Variants in DPP6 observed in about 807,000 individuals in gnomAD.
DPP6 encodes the protein A-type potassium channel modulatory protein DPP6.
In DPP6, 69 loss-of-function variants were observed where a neutral mutation model predicts 122.6. That is an observed-to-expected ratio of 0.56 (90% confidence interval 0.46 to 0.69). The LOEUF is 0.69. Among genes scored for constraint, DPP6 ranks in the 30% least tolerant of loss-of-function variants. DPP6 has a pLI of 0.00. For missense variants in DPP6, 928 were observed against 1,116.9 expected (o/e 0.83, Z 2.41); for synonymous variants, 418 against 433.1 (o/e 0.97, Z 0.43).
intron 13 of DPP6, among the ~76,000 whole-genome samples, chr7:154,803,466 T>G (rs1391801760): frequency 2.0e-5 from 3 of 152,180 alleles, no homozygotes; most frequent in African/African-American, 7.2e-5. Context: ...CCTCCCGGCA[T>G]TTGTCTCTTT....
In DPP6 at chr7:154,309,575, C is replaced by T. The variant is rs1806676828; in HGVS notation, c.244-136639C>T. ...TTCTGATGTTCCTGTCCGCTGCTCTCTGATTTTGATCTTGTTGCTTCTTGC... is the reference window on the plus strand; with the variant it reads ...TTCTGATGTTCCTGTCCGCTGCTCTTTGATTTTGATCTTGTTGCTTCTTGC... On this transcript the variant is annotated intron_variant, in intron 1 of 25. Transcript: ENST00000377770. Among the ~76,000 whole-genome samples the T allele has an allele frequency of 2.0e-5, 3 of 152,296 alleles. No homozygotes were observed. In the South Asian group the frequency reaches 6.2e-4, roughly 32 times the overall value.
At chr7:154,584,970 A>C (rs1563894686) in intron 5 of DPP6, among the ~76,000 whole-genome samples, 1 of 152,116 alleles carries the variant, frequency 6.6e-6, no homozygotes, top group Non-Finnish European at 1.5e-5. Flanking sequence ...CAATTCTATG[A>C]GCTTTAAGAC....
intron 3 of DPP6, among the ~76,000 whole-genome samples, chr7:154,539,928 A>T (rs1216201410): frequency 6.6e-6 from 1 of 152,152 alleles, no homozygotes; most frequent in Non-Finnish European, 1.5e-5. Flanking sequence ...ATATATGTAC[A>T]TGTCCATATG....
At chr7:154,055,861 A>G (rs554173013) in intron 1 of DPP6, 2 of 152,338 alleles carry the variant, frequency 1.3e-5, no homozygotes, top group South Asian at 4.1e-4. Flanking sequence ...TGCCTTGGTC[A>G]CTAAGATGAT....
chr7:153,985,266 G>T (rs1282082946), intron 1 of DPP6, among the ~76,000 whole-genome samples: 7 of 152,224 alleles, frequency 4.6e-5, no homozygotes, highest in Non-Finnish European at 1.0e-4. Flanking sequence ...GAAATAATCT[G>T]TGGAGGGAGA....
intron 1 of DPP6, among the ~76,000 whole-genome samples, chr7:154,081,805 A>G: frequency 6.6e-6 from 1 of 151,658 alleles, no homozygotes; most frequent in Non-Finnish European, 1.5e-5. Flanking sequence ...CTGCAGTTCT[A>G]GTTTGTTATA....
At position 154,686,932 on chromosome 7, in the gene DPP6, G is replaced by A. The variant is rs4960592; in HGVS notation, c.762+17491G>A. Among the ~76,000 whole-genome samples the A allele has an allele frequency of 5.6e-3, 859 of 152,152 alleles. 6 individuals are homozygous for A. Among genetic ancestry groups the A allele is most frequent in the African/African-American group, 0.018 (729 of 41,504 alleles). ...CCAGAGCTCGGACTCCAGGTCCACC[G>A]GGTTCCGGGTCCCTCCTCCACCAGA... On this transcript the variant is annotated intron_variant, in intron 7 of 25. Coordinates refer to ENST00000377770, the MANE Select transcript of DPP6 (RefSeq NM_130797.4).
intron 1 of DPP6, among the ~76,000 whole-genome samples, chr7:154,079,856 G>T (rs1313318980): frequency 4.6e-5 from 7 of 151,800 alleles, no homozygotes; most frequent in Non-Finnish European, 1.0e-4. Context: ...CGATGGCACA[G>T]TTGGTCTCTG....
In DPP6 at chr7:154,060,312, A is replaced by G. The variant is rs866562150; in HGVS notation, c.243+7249A>G. On this transcript the variant is annotated intron_variant, in intron 1 of 25. Coordinates refer to ENST00000377770, the MANE Select transcript of DPP6 (RefSeq NM_130797.4). The stretch of plus-strand genomic sequence containing the variant: ...AATCCCTCTTCCCCCCCTGGCTCTT[A>G]GGACCCCCATCGCAGGAGGGGGAGG... 7.0e-4 allele frequency among the ~76,000 whole-genome samples: 75 copies of G among 106,762 alleles called. 5 individuals are homozygous for G. In the South Asian group the frequency reaches 7.7e-3, roughly 11 times the overall value. 70.0% of individuals were successfully genotyped at this position (106,762 alleles called of 152,430 possible). A position where few individuals can be genotyped will look rare whatever the true frequency, so the allele number is the denominator to read the frequency against.
intron 20 of DPP6, among the ~76,000 whole-genome samples, chr7:154,880,606 G>A (rs1365725519): frequency 2.0e-5 from 3 of 152,202 alleles, no homozygotes; most frequent in East Asian, 3.9e-4. Context: ...CCCAGAAGGG[G>A]CTCTGCGGCT....
At chr7:153,934,384 TAATAA>T (rs1323823487) in intron 1 of DPP6, among the ~76,000 whole-genome samples, 7 of 151,898 alleles carry the variant, frequency 4.6e-5, no homozygotes, top group Non-Finnish European at 8.8e-5. Context: ...TTTGACCAGA[TAATAA>T]AATAACAGTG....
intron 17 of DPP6, among the ~76,000 whole-genome samples, chr7:154,866,953 G>T (rs565168562): frequency 3.4e-5 from 5 of 149,072 alleles, no homozygotes; most frequent in Non-Finnish European, 7.4e-5. Context: ...ACCTCCAGCT[G>T]CCCCGGAGAA....
chr7:154,431,014 G>T (rs369445922), intron 1 of DPP6, among the ~76,000 whole-genome samples: 3 of 152,140 alleles, frequency 2.0e-5, no homozygotes, highest in Admixed American at 6.5e-5. Flanking sequence ...TGCTCACGGC[G>T]CTTACTTTGA....
chr7:154,860,730 C>A (rs1056638411), intron 17 of DPP6, among the ~76,000 whole-genome samples: 3 of 152,206 alleles, frequency 2.0e-5, no homozygotes, highest in Non-Finnish European at 4.4e-5. Context: ...CAGCAGCAGG[C>A]GACTGGGTGG....
At chr7:154,511,820 C>A (rs1210830085) in intron 3 of DPP6, among the ~76,000 whole-genome samples, 1 of 151,310 alleles carries the variant, frequency 6.6e-6, no homozygotes, top group Admixed American at 6.6e-5. Context: ...TTTATACTTT[C>A]AAATGAAATG....
intron 22 of DPP6, among the ~76,000 whole-genome samples, chr7:154,886,925 T>C (rs940066200): frequency 6.6e-6 from 1 of 152,262 alleles, no homozygotes; most frequent in African/African-American, 2.4e-5. Context: ...GTCCAAAATG[T>C]GAATCATGTA....
At chr7:154,211,541 A>G (rs1198553123) in intron 1 of DPP6, among the ~76,000 whole-genome samples, 1 of 152,158 alleles carries the variant, frequency 6.6e-6, no homozygotes, top group Non-Finnish European at 1.5e-5. Flanking sequence ...TTTCAAAATG[A>G]ATTGTTGGTT....
chr7:154,599,351 G>A (rs12719626), intron 5 of DPP6, among the ~76,000 whole-genome samples: 61,611 of 151,878 alleles, frequency 0.41, 13,543 homozygotes, highest in East Asian at 0.65. Flanking sequence ...CAAAACCACC[G>A]CATTAAGTGG....
chr7:154,020,164 T>C (rs998206602), intron 1 of DPP6, among the ~76,000 whole-genome samples: 14 of 152,124 alleles, frequency 9.2e-5, no homozygotes, highest in Admixed American at 7.9e-4. Context: ...GATGTCAAGA[T>C]GTCGTTTTGG....
Sources: allele counts gnomAD v4.1 joint callset (sites outside exome capture counted in the v4.1 genomes callset), GRCh38; gene constraint gnomAD v4.1.1; transcripts MANE v1.5; gene names NCBI Gene and HGNC (gene_info 2026-07-23, HGNC 2026-07-21).